CADM1: variants seen among roughly 807,000 people sequenced by gnomAD.
The protein encoded by CADM1 is TSLC-1.
A neutral mutation model predicts 53.1 loss-of-function variants in CADM1; 15 were observed. The observed-to-expected ratio is 0.28, with a 90% CI of 0.19 to 0.44. CADM1 has a LOEUF of 0.44. CADM1 is among the 20% of genes least tolerant of loss of function. CADM1 has a pLI of 1.00. For synonymous variants in CADM1, 281 were observed against 243.0 expected (o/e 1.16, Z -1.45); for missense variants, 434 against 611.3 (o/e 0.71, Z 3.06).
chr11:115,218,049 A>C, intron 5 of CADM1, 58 bp from the exon 6 acceptor site: 1 of 1,226,178 alleles, frequency 8.2e-7, no homozygotes, highest in Non-Finnish European at 1.2e-6. Context: ...AGGCAAAATC[A>C]GACTCACACA....
intron 1 of CADM1, among the ~76,000 whole-genome samples, chr11:115,468,644 G>A (rs1948945339): frequency 6.6e-6 from 1 of 152,080 alleles, no homozygotes; most frequent in Non-Finnish European, 1.5e-5. Context: ...TGTGGGTTTT[G>A]AGTTTTTAGA....
At chr11:115,398,681 C>T (rs1947063223) in intron 1 of CADM1, among the ~76,000 whole-genome samples, 1 of 152,188 alleles carries the variant, frequency 6.6e-6, no homozygotes, top group South Asian at 2.1e-4. Context: ...ACAATATTTT[C>T]CCAACCTAAT....
chr11:115,293,300 G>A (rs1025214953), intron 1 of CADM1, among the ~76,000 whole-genome samples: 2 of 152,146 alleles, frequency 1.3e-5, no homozygotes, highest in Non-Finnish European at 2.9e-5. Context: ...GGGCGTGGTG[G>A]CGGGCGCCTG....
intron 1 of CADM1, among the ~76,000 whole-genome samples, chr11:115,315,508 A>T (rs1172616113): frequency 6.6e-6 from 1 of 152,182 alleles, no homozygotes; most frequent in Non-Finnish European, 1.5e-5. Flanking sequence ...AACTACTTAT[A>T]CAAACTCAGA....
chr11:115,457,033 A>G (rs1329490908), intron 1 of CADM1, among the ~76,000 whole-genome samples: 1 of 152,112 alleles, frequency 6.6e-6, no homozygotes, highest in Non-Finnish European at 1.5e-5. Context: ...CTAAGTGCAG[A>G]CTTCATAGTT....
intron 1 of CADM1, among the ~76,000 whole-genome samples, chr11:115,246,117 G>A (rs568828944): frequency 1.1e-3 from 161 of 152,290 alleles, no homozygotes; most frequent in Non-Finnish European, 1.9e-3. Context: ...GTAGATTTAA[G>A]GTTAAGGGTG....
At chr11:115,238,400 A>C in intron 3 of CADM1, 100 bp downstream of exon 3, 1 of 1,295,092 alleles carries the variant, frequency 7.7e-7, no homozygotes, top group African/African-American at 1.5e-5. Flanking sequence ...TTCCTGAAAC[A>C]AGTTTGAACA....
intron 1 of CADM1, among the ~76,000 whole-genome samples, chr11:115,267,503 A>T (rs1011441837): frequency 2.0e-5 from 3 of 152,176 alleles, no homozygotes; most frequent in Non-Finnish European, 4.4e-5. Context: ...GCCACTTAGG[A>T]AGAGAATGCC....
intron 11 of CADM1, among the ~76,000 whole-genome samples, chr11:115,177,677 G>A (rs1479303343): frequency 6.6e-6 from 1 of 151,690 alleles, no homozygotes; most frequent in Non-Finnish European, 1.5e-5. Flanking sequence ...TCTCTGTCAA[G>A]CTTACCACCG....
chr11:115,289,543 C>T (rs1037898105), intron 1 of CADM1, among the ~76,000 whole-genome samples: 2 of 151,094 alleles, frequency 1.3e-5, no homozygotes, highest in Non-Finnish European at 2.9e-5. Context: ...CATATGGGAG[C>T]ACTTGAAGTG....
At chr11:115,463,917 C>T (rs1827670079) in intron 1 of CADM1, among the ~76,000 whole-genome samples, 2 of 152,074 alleles carry the variant, frequency 1.3e-5, no homozygotes, top group African/African-American at 4.8e-5. Flanking sequence ...CTCAGCTTTC[C>T]AGCTGCCAGG....
chr11:115,205,724 TATATGGTCAG>T (rs1210392750), intron 8 of CADM1, among the ~76,000 whole-genome samples: 1 of 151,810 alleles, frequency 6.6e-6, no homozygotes, highest in Non-Finnish European at 1.5e-5. Context: ...GAAACAGAAA[TATATGGTCAG>T]ACTATCAATA....
intron 9 of CADM1, among the ~76,000 whole-genome samples, chr11:115,194,871 C>G (rs1940074537): frequency 6.6e-6 from 1 of 152,164 alleles, no homozygotes; most frequent in African/African-American, 2.4e-5. Flanking sequence ...CAGAAGCGCC[C>G]ACATATGAAC....
chr11:115,241,712 AAGAT>A (rs1942238323), intron 1 of CADM1, among the ~76,000 whole-genome samples: 1 of 152,174 alleles, frequency 6.6e-6, no homozygotes, highest in Non-Finnish European at 1.5e-5. Flanking sequence ...ATCAAATACA[AAGAT>A]TTATTAAGCC....
intron 1 of CADM1, among the ~76,000 whole-genome samples, chr11:115,454,009 G>C (rs1184891484): frequency 6.7e-6 from 1 of 150,094 alleles, no homozygotes; most frequent in Admixed American, 6.6e-5. Flanking sequence ...AGAGATGAAA[G>C]AGAAGTTCAT....
intron 1 of CADM1, among the ~76,000 whole-genome samples, chr11:115,262,272 A>C (rs1942998805): frequency 6.6e-6 from 1 of 152,168 alleles, no homozygotes; most frequent in African/African-American, 2.4e-5. Context: ...CATATAAACA[A>C]CTTATGCTAT....
chr11:115,477,620 T>C (rs1949164435), intron 1 of CADM1, among the ~76,000 whole-genome samples: 1 of 152,264 alleles, frequency 6.6e-6, no homozygotes, highest in East Asian at 1.9e-4. Flanking sequence ...GAATAGTGAT[T>C]TCTGCTCCAC....
intron 1 of CADM1, among the ~76,000 whole-genome samples, chr11:115,285,915 C>G (rs777625236): frequency 2.0e-5 from 3 of 152,134 alleles, no homozygotes; most frequent in Non-Finnish European, 4.4e-5. Context: ...AGTGATGTTA[C>G]TTTACTTTTC....
intron 1 of CADM1, among the ~76,000 whole-genome samples, chr11:115,284,402 T>C (rs1454345624): frequency 6.6e-6 from 1 of 152,000 alleles, no homozygotes; most frequent in African/African-American, 2.4e-5. Flanking sequence ...AGTCCTTTAC[T>C]AGAATAATGC....
Sources: gnomAD v4.1 joint callset for allele counts (sites outside exome capture counted in the v4.1 genomes callset) on GRCh38, gnomAD v4.1.1 for gene constraint, MANE v1.5 for transcripts, NCBI Gene and HGNC (gene_info 2026-07-23, HGNC 2026-07-21) for gene names.